TNFRSF9: variants seen among roughly 807,000 people sequenced by gnomAD.
TNFRSF9 encodes tumor necrosis factor receptor superfamily member 9.
Under a neutral mutation model 28.8 loss-of-function variants are expected in TNFRSF9, and 16 were observed. The observed-to-expected ratio is 0.55, with a 90% confidence interval of 0.38 to 0.84. The LOEUF is 0.84. Ranked by LOEUF, TNFRSF9 falls within the 40% of genes least tolerant of loss-of-function variation. TNFRSF9 has a pLI of 0.00. For missense variants in TNFRSF9, 303 were observed against 315.0 expected, an observed-to-expected ratio of 0.96 and a Z score of 0.29; for synonymous variants, 131 against 117.0, an observed-to-expected ratio of 1.12 and a Z score of -0.77.
intron 7 of TNFRSF9, among the ~76,000 whole-genome samples, chr1:7,930,963 C>G (rs1639724521): frequency 6.6e-6 from 1 of 152,134 alleles, no homozygotes; most frequent in Admixed American, 6.5e-5. Flanking sequence ...AGAAAATACT[C>G]AAAAGACTTG....
At chr1:7,934,972 C>T (rs1639794971) in intron 6 of TNFRSF9, 41 bp downstream of exon 6, 2 of 1,608,880 alleles carry the variant, frequency 1.2e-6, no homozygotes, top group Non-Finnish European at 8.5e-7. Context: ...CTGGAATCAC[C>T]ATAAGATACG....
At chr1:7,926,823 A>C (rs1639663488) in intron 7 of TNFRSF9, among the ~76,000 whole-genome samples, 1 of 152,216 alleles carries the variant, frequency 6.6e-6, no homozygotes, top group Admixed American at 6.5e-5. Flanking sequence ...AAGGATGACT[A>C]ATGTTTTCCA....
At chr1:7,935,169 T>C in intron 5 of TNFRSF9, 26 bp from the exon 6 acceptor site, 1 of 1,606,650 alleles carries the variant, frequency 6.2e-7, no homozygotes, top group Non-Finnish European at 8.5e-7. Flanking sequence ...GAAAATAATT[T>C]AAATAATTAA....
Position 7,920,648 on chromosome 1 carries a change from C to CAAAA in TNFRSF9, c.*183_*186dup. 4.1e-5 allele frequency: 17 copies of CAAAA among 409,954 alleles called. No individual in the cohort carries two copies. The highest frequency in any genetic ancestry group is 8.6e-5 in the East Asian group (2 of 23,370). 25.4% of individuals were successfully genotyped at this position (409,954 alleles called of 1,614,324 possible). On this transcript the variant is annotated 3_prime_UTR_variant, in exon 8 of 8. Transcript: ENST00000377507. ...CCTGGGTGACAGAGTGAGACCCTGT[C>CAAAA]AAAAAAAAAAAAAAAGTGGTGCATT...
At chr1:7,922,978 C>T (rs1483135198) in intron 7 of TNFRSF9, among the ~76,000 whole-genome samples, 1 of 150,568 alleles carries the variant, frequency 6.6e-6, no homozygotes, top group East Asian at 2.0e-4. Context: ...TCTCAGCTCA[C>T]TGCAACCTCC....
In TNFRSF9 at chr1:7,918,445, C is replaced by T. The variant is rs1639511187; in HGVS notation, c.*2390G>A. On this transcript the variant is annotated 3_prime_UTR_variant, in exon 8 of 8. Transcript: ENST00000377507. The stretch of plus-strand genomic sequence containing the variant: ...CCAGGCTGAAGTGTAGTGATGCGGT[C>T]CCAGCTCACTGCAACCTCTGCCTCC... The T allele has an allele frequency of 6.6e-6, 1 of 152,090 alleles. No homozygotes were observed. Among genetic ancestry groups the T allele is most frequent in the Admixed American group, 6.6e-5 (1 of 15,248 alleles). 9.4% of individuals were successfully genotyped at this position (152,090 alleles called of 1,614,324 possible). A position where few individuals can be genotyped will look rare whatever the true frequency, so the allele number is the denominator to read the frequency against.
At chr1:7,937,851 T>C (rs1186179849) in intron 4 of TNFRSF9, 95 bp from the exon 5 acceptor site, 1 of 1,055,630 alleles carries the variant, frequency 9.5e-7, no homozygotes, top group African/African-American at 1.6e-5. Flanking sequence ...ATTACCATAA[T>C]GCAATCTGCA....
chr1:7,932,728 C>A (rs1390107668), intron 7 of TNFRSF9, among the ~76,000 whole-genome samples: 1 of 142,690 alleles, frequency 7.0e-6, no homozygotes, highest in Non-Finnish European at 1.5e-5. Flanking sequence ...CACGCACACA[C>A]ACACATACAC....
At position 7,918,218 on chromosome 1, in the gene TNFRSF9, T is replaced by G. The variant is rs942261618; in HGVS notation, c.*2617A>C. On this transcript the variant is annotated 3_prime_UTR_variant, in exon 8 of 8. Transcript: ENST00000377507. ...CCAGGCTGATCTTGAACTCTTGACCTCAGATGATCCACCCACCTCAGCCCC... is the reference window on the plus strand; with the variant it reads ...CCAGGCTGATCTTGAACTCTTGACCGCAGATGATCCACCCACCTCAGCCCC... The G allele has an allele frequency of 2.0e-5, 3 of 152,032 alleles. No homozygotes were observed. Among genetic ancestry groups the G allele is most frequent in the African/African-American group, 7.2e-5 (3 of 41,382 alleles). 9.4% of individuals were successfully genotyped at this position (152,032 alleles called of 1,614,324 possible).
intron 7 of TNFRSF9, among the ~76,000 whole-genome samples, chr1:7,928,966 A>C (rs1238005802): frequency 6.6e-6 from 1 of 152,094 alleles, no homozygotes; most frequent in Admixed American, 6.6e-5. Flanking sequence ...GAAGGCCGTG[A>C]AGGGGGTTTC....
intron 7 of TNFRSF9, among the ~76,000 whole-genome samples, chr1:7,928,822 C>G (rs757564445): frequency 1.3e-5 from 2 of 151,994 alleles, no homozygotes; most frequent in Non-Finnish European, 2.9e-5. Flanking sequence ...GAGGTTGCAG[C>G]GAGTGGAGAT....
At chr1:7,931,612 A>G (rs1164491473) in intron 7 of TNFRSF9, among the ~76,000 whole-genome samples, 1 of 152,220 alleles carries the variant, frequency 6.6e-6, no homozygotes, top group East Asian at 1.9e-4. Context: ...AATACCATAC[A>G]AGTCTAGATG....
At chr1:7,921,062 G>A (rs578105139) in intron 7 of TNFRSF9, 139 bp from the exon 8 acceptor site, 24 of 644,226 alleles carry the variant, frequency 3.7e-5, no homozygotes, top group South Asian at 1.1e-4. Flanking sequence ...TCAGCCAGGC[G>A]TGGTGGCTCA....
At chr1:7,935,352 C>T (rs1445991975) in intron 5 of TNFRSF9, among the ~76,000 whole-genome samples, 4 of 152,222 alleles carry the variant, frequency 2.6e-5, no homozygotes, top group Admixed American at 2.0e-4. Flanking sequence ...TGTTCAGTGA[C>T]AGCTTAGTTC....
At chr1:7,931,112 C>G (rs898847702) in intron 7 of TNFRSF9, among the ~76,000 whole-genome samples, 1 of 152,166 alleles carries the variant, frequency 6.6e-6, no homozygotes, top group Admixed American at 6.5e-5. Context: ...TAAAAATAAT[C>G]TGATGATACC....
chr1:7,935,694 T>C (rs1164013238), intron 5 of TNFRSF9, among the ~76,000 whole-genome samples: 1 of 152,148 alleles, frequency 6.6e-6, no homozygotes, highest in African/African-American at 2.4e-5. Context: ...AATTAACTGA[T>C]GGTGCATGCC....
In TNFRSF9 at chr1:7,938,472, T is replaced by C; in HGVS notation, c.209-142A>G. On this transcript the variant is annotated intron_variant, in intron 3 of 7. Coordinates refer to ENST00000377507, the MANE Select transcript of TNFRSF9 (RefSeq NM_001561.6). ...TTTAAAGTTTACTTTTAAATCTCCA[T>C]AAAGACATTTTTACATTTAGGTAAG... 8.8e-6 allele frequency: 9 copies of C among 1,018,236 alleles called. No homozygotes were observed. In the South Asian group the frequency reaches 2.0e-4, roughly 22 times the overall value. 63.1% of individuals were successfully genotyped at this position (1,018,236 alleles called of 1,614,324 possible). A position where few individuals can be genotyped will look rare whatever the true frequency, so the allele number is the denominator to read the frequency against.
intron 7 of TNFRSF9, among the ~76,000 whole-genome samples, chr1:7,927,460 T>C (rs561246843): frequency 7.1e-4 from 108 of 152,278 alleles, no homozygotes; most frequent in Non-Finnish European, 1.2e-3. Context: ...CTTCCAAATA[T>C]ACTCTTTTGT....
At chr1:7,921,813 C>A (rs1445953966) in intron 7 of TNFRSF9, 2 of 152,096 alleles carry the variant, frequency 1.3e-5, no homozygotes, top group Non-Finnish European at 2.9e-5. Context: ...GAACTATTTT[C>A]TTTATTTTCT....
Sources: allele counts gnomAD v4.1 joint callset (sites outside exome capture counted in the v4.1 genomes callset), GRCh38; gene constraint gnomAD v4.1.1; transcripts MANE v1.5; gene names NCBI Gene and HGNC (gene_info 2026-07-23, HGNC 2026-07-21).